The following GLRA3 variants were observed in gnomAD, a reference collection of about 807,000 sequenced individuals.
GLRA3 encodes glycine receptor subunit alpha-3.
A neutral mutation model predicts 60.4 loss-of-function variants in GLRA3; 44 were observed. The observed-to-expected ratio is 0.73, with a 90% CI of 0.57 to 0.94. The LOEUF is 0.94. Among genes scored for constraint, GLRA3 ranks in the 40% least tolerant of loss-of-function variants. The pLI is 0.00. For synonymous variants in GLRA3, 223 were observed against 192.9 expected (o/e 1.16, Z -1.29); for missense variants, 508 against 564.6 (o/e 0.90, Z 1.02).
chr4:174,783,822 A>T (rs1738999525), intron 2 of GLRA3, among the ~76,000 whole-genome samples: 2 of 152,130 alleles, frequency 1.3e-5, no homozygotes, highest in Non-Finnish European at 2.9e-5. Context: ...AGGAATCAAC[A>T]GGTGCTGGAG....
intron 5 of GLRA3, among the ~76,000 whole-genome samples, chr4:174,689,705 T>C (rs1257161290): frequency 1.5e-5 from 2 of 131,302 alleles, no homozygotes; most frequent in Non-Finnish European, 3.1e-5. Flanking sequence ...TAACCTTGAA[T>C]GTAAACAGGC....
chr4:174,668,215 T>A (rs1191610887), intron 7 of GLRA3, among the ~76,000 whole-genome samples: 1 of 152,132 alleles, frequency 6.6e-6, no homozygotes, highest in Non-Finnish European at 1.5e-5. Context: ...ATTAATCCTC[T>A]TTTCTTTATA....
intron 5 of GLRA3, among the ~76,000 whole-genome samples, chr4:174,685,158 C>T (rs1403866012): frequency 6.6e-6 from 1 of 152,140 alleles, no homozygotes; most frequent in African/African-American, 2.4e-5. Context: ...AAACAACTGG[C>T]ATGGAGCTGG....
At chr4:174,719,519 G>T (rs1195369802) in intron 4 of GLRA3, among the ~76,000 whole-genome samples, 1 of 152,058 alleles carries the variant, frequency 6.6e-6, no homozygotes, top group African/African-American at 2.4e-5. Flanking sequence ...GAGAAATGTA[G>T]TTAAACTGTA....
chr4:174,828,706 T>C (rs373343718), intron 1 of GLRA3, 35 bp downstream of exon 1: 16 of 1,385,850 alleles, frequency 1.2e-5, no homozygotes, highest in South Asian at 2.3e-5. Flanking sequence ...ACAGGCTTAA[T>C]GAGTTCTCCG....
chr4:174,738,803 A>G (rs1375009010), intron 3 of GLRA3, among the ~76,000 whole-genome samples: 1 of 152,244 alleles, frequency 6.6e-6, no homozygotes. Flanking sequence ...GTAGGACAAG[A>G]ACAACAACTG....
At chr4:174,749,313 T>C (rs1737371497) in intron 3 of GLRA3, among the ~76,000 whole-genome samples, 1 of 152,100 alleles carries the variant, frequency 6.6e-6, no homozygotes, top group African/African-American at 2.4e-5. Context: ...AATAAATTCC[T>C]TTCTGTGAGG....
At chr4:174,683,890 T>C (rs990497317) in intron 5 of GLRA3, among the ~76,000 whole-genome samples, 2 of 152,210 alleles carry the variant, frequency 1.3e-5, no homozygotes, top group African/African-American at 4.8e-5. Context: ...CATTTCATCA[T>C]TTAATGATTC....
chr4:174,737,927 A>T (rs1391849801), intron 3 of GLRA3, among the ~76,000 whole-genome samples: 1 of 152,232 alleles, frequency 6.6e-6, no homozygotes, highest in South Asian at 2.1e-4. Context: ...TTTATGGCAT[A>T]CAACTAACTA....
chr4:174,777,347 T>C (rs977962537), intron 2 of GLRA3, among the ~76,000 whole-genome samples: 27 of 152,196 alleles, frequency 1.8e-4, no homozygotes, highest in Non-Finnish European at 4.0e-4. Flanking sequence ...CCTGGAATAT[T>C]ATTCAATGAT....
chr4:174,755,646 G>A (rs1737662413), intron 3 of GLRA3, among the ~76,000 whole-genome samples: 1 of 151,886 alleles, frequency 6.6e-6, no homozygotes, highest in Non-Finnish European at 1.5e-5. Context: ...TTTACCAGAG[G>A]CAATTCTTAA....
intron 7 of GLRA3, among the ~76,000 whole-genome samples, chr4:174,668,343 G>T (rs1579415142): frequency 6.6e-6 from 1 of 152,138 alleles, no homozygotes; most frequent in East Asian, 1.9e-4. Context: ...GTTTACTTTT[G>T]CACGAACTTT....
chr4:174,699,924 A>G (rs1452547391), intron 5 of GLRA3, among the ~76,000 whole-genome samples: 1 of 151,854 alleles, frequency 6.6e-6, no homozygotes, highest in African/African-American at 2.4e-5. Context: ...TAACAAAATT[A>G]TTTGTTAAAT....
At chr4:174,811,370 C>A (rs1489039702) in intron 1 of GLRA3, among the ~76,000 whole-genome samples, 1 of 152,042 alleles carries the variant, frequency 6.6e-6, no homozygotes, top group African/African-American at 2.4e-5. Flanking sequence ...GGTCAGGGCA[C>A]CCCCAGAGTC....
At chr4:174,747,753 G>A (rs1737310669) in intron 3 of GLRA3, among the ~76,000 whole-genome samples, 1 of 152,034 alleles carries the variant, frequency 6.6e-6, no homozygotes, top group African/African-American at 2.4e-5. Context: ...AAGCAGATTT[G>A]GATATGATGA....
At chr4:174,666,240 A>G (rs1733658270) in intron 7 of GLRA3, among the ~76,000 whole-genome samples, 1 of 152,156 alleles carries the variant, frequency 6.6e-6, no homozygotes, top group Admixed American at 6.6e-5. Flanking sequence ...GTCAGTGCAC[A>G]AAATACATAC....
intron 3 of GLRA3, among the ~76,000 whole-genome samples, chr4:174,736,099 T>G (rs1736775504): frequency 6.6e-6 from 1 of 152,154 alleles, no homozygotes; most frequent in African/African-American, 2.4e-5. Flanking sequence ...TTGGAGATAC[T>G]TCAAAATTTT....
intron 1 of GLRA3, among the ~76,000 whole-genome samples, chr4:174,803,244 G>A (rs1036096408): frequency 3.3e-5 from 5 of 151,856 alleles, no homozygotes; most frequent in Non-Finnish European, 7.4e-5. Flanking sequence ...TCTTCTCGTG[G>A]GTAATAGTTT....
intron 1 of GLRA3, among the ~76,000 whole-genome samples, chr4:174,792,424 T>A (rs1739389020): frequency 6.6e-6 from 1 of 152,114 alleles, no homozygotes; most frequent in Non-Finnish European, 1.5e-5. Context: ...GCATATTGTT[T>A]TACATCAATT....
Sources: allele counts gnomAD v4.1 joint callset (sites outside exome capture counted in the v4.1 genomes callset), GRCh38; gene constraint gnomAD v4.1.1; transcripts MANE v1.5; gene names NCBI Gene and HGNC (gene_info 2026-07-23, HGNC 2026-07-21).